The following ZNF76 variants were observed in gnomAD, a reference collection of about 807,000 sequenced individuals.
The protein encoded by ZNF76 is zinc finger protein 76.
Under a neutral mutation model 66.9 loss-of-function variants are expected in ZNF76, and 66 were observed. That is an observed-to-expected ratio of 0.99 (90% CI 0.81 to 1.21). The LOEUF is 1.21. Ranked by LOEUF, ZNF76 falls within the 50% of genes most tolerant of loss-of-function variation. ZNF76 has a pLI of 0.00. For synonymous variants in ZNF76, 275 were observed against 296.1 expected (o/e 0.93, Z 0.73); for missense variants, 729 against 760.3 (o/e 0.96, Z 0.48).
intron 1 of ZNF76, among the ~76,000 whole-genome samples, chr6:35,264,444 T>C (rs986026881): frequency 2.6e-5 from 4 of 152,160 alleles, no homozygotes; most frequent in Non-Finnish European, 4.4e-5. Flanking sequence ...GTTTGAAATA[T>C]TTAGTGTGGG....
rs971759026 is a variant in ZNF76 at position 35,287,244 on chromosome 6, G to A, written c.233-402G>A. 2.6e-5 allele frequency among the ~76,000 whole-genome samples: 4 copies of A among 152,184 alleles called. No homozygotes were observed. Among genetic ancestry groups the A allele is most frequent in the African/African-American group, 9.7e-5 (4 of 41,412 alleles). On this transcript the variant is annotated intron_variant, in intron 4 of 13. Transcript: ENST00000373953. The surrounding 1 kb of genome is among the most constrained non-coding windows in gnomAD (Gnocchi z 4.0). ...GATTTTGGTCTTTATCCTGAGACCA[G>A]TGGGAAGCATTTAAACTGTTGAGGC...
intron 1 of ZNF76, among the ~76,000 whole-genome samples, chr6:35,269,881 T>C (rs1482577206): frequency 6.6e-6 from 1 of 152,188 alleles, no homozygotes; most frequent in Non-Finnish European, 1.5e-5. Flanking sequence ...TGTTGCCTCA[T>C]GCTCAGCTGA....
At position 35,295,434 on chromosome 6, in the gene ZNF76, C is replaced by A; in HGVS notation, c.*186C>A. The A allele has an allele frequency of 1.6e-6, 1 of 643,516 alleles. No homozygotes were observed. The highest frequency in any genetic ancestry group is 2.9e-6 in the Non-Finnish European group (1 of 350,714). 39.9% of individuals were successfully genotyped at this position (643,516 alleles called of 1,614,324 possible). A position where few individuals can be genotyped will look rare whatever the true frequency, so the allele number is the denominator to read the frequency against. The stretch of plus-strand genomic sequence containing the variant: ...GGCCCTGCTCAAGAAGGGGGCCAGG[C>A]AGCTGGAATCAGGGGAGTGCATCAT... On this transcript the variant is annotated 3_prime_UTR_variant, in exon 14 of 14. Transcript: ENST00000373953.
intron 1 of ZNF76, among the ~76,000 whole-genome samples, chr6:35,273,250 G>GCAACCT (rs758741255): frequency 3.3e-5 from 5 of 151,276 alleles, no homozygotes; most frequent in Admixed American, 1.3e-4. Context: ...TCAGCTCACT[G>GCAACCT]CCACCTCCAC....
At chr6:35,265,621 A>T (rs533757910) in intron 1 of ZNF76, among the ~76,000 whole-genome samples, 1 of 152,288 alleles carries the variant, frequency 6.6e-6, no homozygotes, top group Admixed American at 6.5e-5. Context: ...TTGAGCAAAG[A>T]CCTGAAGGAA....
chr6:35,266,801 T>TTC (rs1476008998), intron 1 of ZNF76, among the ~76,000 whole-genome samples: 2 of 130,702 alleles, frequency 1.5e-5, no homozygotes, highest in Non-Finnish European at 3.3e-5. Flanking sequence ...CTATTTCTTT[T>TTC]TTTTTTTTTT....
Position 35,292,584 on chromosome 6 carries a change from G to T in ZNF76, c.962G>T (p.Gly321Val). Reference protein sequence around the residue: ...GEKPYVCTVPGCGKRFTEYSS... With the variant: ...GEKPYVCTVPVCGKRFTEYSS... ...AAGCCATACGTTTGCACGGTGCCAGGCTGCGGGAAACGCTTCACCGAGTAC... is the reference window on the plus strand; with the variant it reads ...AAGCCATACGTTTGCACGGTGCCAGTCTGCGGGAAACGCTTCACCGAGTAC... Residue 321 changes from glycine (G) to valine (V), a missense_variant, in exon 10 of 14, where the codon GGC (glycine) becomes GTC (valine). Coordinates refer to ENST00000373953, the MANE Select transcript of ZNF76 (RefSeq NM_003427.5). This position sits in a 1 kb window ranked among gnomAD's most constrained non-coding sequence, Gnocchi z 4.7. 31 of 1,613,582 alleles carry T rather than the reference G, an allele frequency of 1.9e-5. No homozygotes were observed. The highest frequency in any genetic ancestry group is 2.5e-5 in the Non-Finnish European group (30 of 1,180,014).
intron 5 of ZNF76, among the ~76,000 whole-genome samples, chr6:35,289,058 G>T (rs891791517): frequency 1.3e-5 from 2 of 151,840 alleles, no homozygotes; most frequent in African/African-American, 4.8e-5. Context: ...ACTCGATGTT[G>T]ATGTAAAGAG....
At chr6:35,280,960 T>G in intron 1 of ZNF76, 96 bp from the exon 2 acceptor site, 2 of 612,700 alleles carry the variant, frequency 3.3e-6, no homozygotes, top group Non-Finnish European at 5.8e-6. Flanking sequence ...ATCTTTTTTC[T>G]TCTTGGCTGG....
At chr6:35,265,031 A>G (rs929837412) in intron 1 of ZNF76, among the ~76,000 whole-genome samples, 3 of 152,166 alleles carry the variant, frequency 2.0e-5, no homozygotes, top group Admixed American at 6.5e-5. Flanking sequence ...ATATTCATTC[A>G]TTCACTGATT....
Position 35,293,796 on chromosome 6 carries a change from A to T in ZNF76, c.1375A>T (p.Ser459Cys). 6.2e-7 allele frequency: 1 copy of T among 1,614,110 alleles called. No individual in the cohort carries two copies. Among genetic ancestry groups the T allele is most frequent in the Non-Finnish European group, 8.5e-7 (1 of 1,180,018 alleles). Reference protein sequence around the residue: ...EDLQALGSAISMVTQHGSTTL... With the variant: ...EDLQALGSAICMVTQHGSTTL... ...CCTGCAGGCCCTGGGGAGTGCCATC[A>T]GTATGGTCACCCAGCACGGCAGCAC... is the stretch of plus-strand genomic sequence containing the variant. Residue 459 changes from serine (S) to cysteine (C), a missense_variant, in exon 12 of 14, where the codon AGT becomes TGT. Coordinates refer to ENST00000373953, the MANE Select transcript of ZNF76 (RefSeq NM_003427.5).
intron 13 of ZNF76, 100 bp from the exon 14 acceptor site, chr6:35,295,042 TGG>T: frequency 1.2e-6 from 1 of 810,424 alleles, no homozygotes; most frequent in South Asian, 1.7e-5. Flanking sequence ...ACTGGGTAGA[TGG>T]GGGAGAGTCA....
intron 5 of ZNF76, chr6:35,288,188 TC>T: frequency 2.0e-6 from 1 of 511,180 alleles, no homozygotes; most frequent in Non-Finnish European, 3.8e-6. Flanking sequence ...GCTGTAGTAA[TC>T]CTCTGCACTA....
intron 1 of ZNF76, among the ~76,000 whole-genome samples, chr6:35,265,020 T>G (rs759656273): frequency 6.6e-6 from 1 of 152,162 alleles, no homozygotes; most frequent in Non-Finnish European, 1.5e-5. Flanking sequence ...TAAAGGTATA[T>G]ATATTCATTC....
intron 1 of ZNF76, among the ~76,000 whole-genome samples, chr6:35,276,830 G>A (rs1460637678): frequency 1.9e-5 from 2 of 107,032 alleles, no homozygotes; most frequent in East Asian, 5.3e-4. Flanking sequence ...GAGTTTTGCT[G>A]TTGTTGCCCA....
intron 1 of ZNF76, among the ~76,000 whole-genome samples, chr6:35,265,614 A>G (rs997222019): frequency 2.8e-4 from 43 of 152,124 alleles, no homozygotes; most frequent in African/African-American, 9.4e-4. Flanking sequence ...GTAACATTTG[A>G]GCAAAGACCT....
At chr6:35,291,052 C>CG (rs1554195067) in intron 7 of ZNF76, 1 of 615,768 alleles carries the variant, frequency 1.6e-6, no homozygotes, top group Non-Finnish European at 2.8e-6. Context: ...CATGAGTTCT[C>CG]TAAGTTTCTT....
At chr6:35,288,456 G>A (rs1222445573) in intron 5 of ZNF76, 1 of 326,720 alleles carries the variant, frequency 3.1e-6, no homozygotes, top group Non-Finnish European at 6.0e-6. Context: ...TGCATGTGGG[G>A]AAAAGGGTAC....
Position 35,292,680 on chromosome 6 carries a change from C to G in ZNF76, c.1058C>G (p.Thr353Ser). Reference protein sequence around the residue: ...KPYTCSTCGKTYRQTSTLAMH... With the variant: ...KPYTCSTCGKSYRQTSTLAMH... ...TACACCTGCAGCACCTGCGGCAAGA[C>G]CTACCGGCAGACCTCCACCTTGGCC... is the stretch of plus-strand genomic sequence containing the variant. The change falls in exon 10 of 14, where the codon ACC becomes AGC. Residue 353 changes from threonine to serine, a missense_variant. Thr to Ser is a moderately conservative substitution (Grantham distance 58). Transcript: ENST00000373953. The surrounding 1 kb of genome is among the most constrained non-coding windows in gnomAD (Gnocchi z 4.7). The G allele has an allele frequency of 6.2e-7, 1 of 1,614,226 alleles. No individual in the cohort carries two copies. The highest frequency in any genetic ancestry group is 8.5e-7 in the Non-Finnish European group (1 of 1,180,048).
Sources: allele counts gnomAD v4.1 joint callset (sites outside exome capture counted in the v4.1 genomes callset), GRCh38; gene constraint gnomAD v4.1.1; non-coding constraint Gnocchi (gnomAD v3.1); transcripts MANE v1.5; gene names NCBI Gene and HGNC (gene_info 2026-07-23, HGNC 2026-07-21).